CLSPN: variants seen among roughly 807,000 people sequenced by gnomAD.
CLSPN encodes claspin, also known as claspin homolog.
In CLSPN, 85 loss-of-function variants were observed where a neutral mutation model predicts 156.3. The ratio of observed to expected loss-of-function variants is 0.54; its 90% confidence interval spans 0.46 to 0.65. The LOEUF (loss-of-function observed/expected upper bound fraction) is 0.65. CLSPN is among the 30% of genes least tolerant of loss of function. The pLI is 0.00. For synonymous variants in CLSPN, 534 were observed against 542.4 expected (o/e 0.98, Z 0.22); for missense variants, 1,407 against 1,554.9 (o/e 0.90, Z 1.60).
Position 35,763,278 on chromosome 1 carries a change from A to G in CLSPN, c.626T>C (p.Leu209Pro). Residue 209 changes from leucine to proline, a missense_variant, in exon 4 of 25, where the codon CTT (leucine) becomes CCT (proline). Physicochemically the swap from Leu to Pro is moderately conservative, Grantham distance 98. Coordinates refer to ENST00000318121, the MANE Select transcript of CLSPN (RefSeq NM_022111.4). ...EQPFNDSGCLLVDKDLFETGL... is the reference protein window; with the variant it reads ...EQPFNDSGCLPVDKDLFETGL... Reference sequence around the variant, plus strand: ...AGTTTCAAAAAGGTCTTTATCCACAAGAAGACAGCCACTGTCATTAAATGG... The same window carrying G: ...AGTTTCAAAAAGGTCTTTATCCACAGGAAGACAGCCACTGTCATTAAATGG... The G allele has an allele frequency of 6.2e-7, 1 of 1,605,256 alleles. No homozygotes were observed. The highest frequency in any genetic ancestry group is 1.1e-5 in the South Asian group (1 of 89,412).
downstream of CLSPN, among the ~76,000 whole-genome samples, chr1:35,730,567 TAAAAAA>T (rs56320150): frequency 3.2e-5 from 2 of 62,032 alleles, no homozygotes; most frequent in African/African-American, 1.4e-4. Flanking sequence ...GAATCCATAT[TAAAAAA>T]AAAAAAAAAA....
chr1:35,738,694 C>T (rs1374550585), intron 20 of CLSPN, 112 bp from the exon 21 acceptor site: 1 of 1,070,240 alleles, frequency 9.3e-7, no homozygotes, highest in Non-Finnish European at 1.3e-6. Flanking sequence ...AAACTTTTCC[C>T]ATCCATTAAC....
chr1:35,737,186 T>C, intron 23 of CLSPN, 111 bp from the exon 24 acceptor site: 1 of 1,258,522 alleles, frequency 7.9e-7, no homozygotes. Flanking sequence ...GCCTACCCTA[T>C]TCAAATAGAA....
At chr1:35,727,185 T>C (rs946434460), downstream of CLSPN, among the ~76,000 whole-genome samples, 5 of 152,222 alleles carry the variant, frequency 3.3e-5, no homozygotes, top group African/African-American at 4.8e-5. Flanking sequence ...TTTAATGTGC[T>C]GGATGTTTAT....
chr1:35,730,997 C>G (rs941386333), downstream of CLSPN, among the ~76,000 whole-genome samples: 1 of 151,722 alleles, frequency 6.6e-6, no homozygotes, highest in African/African-American at 2.4e-5. Context: ...GTCAAGAGTT[C>G]GAGACCAGCC....
Position 35,733,897 on chromosome 1 carries a change from T to G in CLSPN, c.*2599A>C. The G allele has an allele frequency of 1.6e-5, 11 of 689,548 alleles. No individual in the cohort carries two copies. Among genetic ancestry groups the G allele is most frequent in the Non-Finnish European group, 2.0e-5 (11 of 559,870 alleles). The allele number at this position is 689,548 out of a possible 1,614,324, so 42.7% of individuals were successfully genotyped here. Reference sequence around the variant, plus strand: ...TCCAAAGGTTGAGGAAGGAGGATGCTGAAGCCCAGGAGTTCAAGGGTACAG... The same window carrying G: ...TCCAAAGGTTGAGGAAGGAGGATGCGGAAGCCCAGGAGTTCAAGGGTACAG... On this transcript the variant is annotated 3_prime_UTR_variant, in exon 25 of 25. Coordinates refer to ENST00000318121, the MANE Select transcript of CLSPN (RefSeq NM_022111.4).
chr1:35,759,504 G>A (rs1046043973), intron 8 of CLSPN, among the ~76,000 whole-genome samples: 3 of 151,458 alleles, frequency 2.0e-5, no homozygotes, highest in Admixed American at 6.6e-5. Context: ...TTCTTATCTC[G>A]CCCATTAGAG....
intron 8 of CLSPN, among the ~76,000 whole-genome samples, chr1:35,759,213 A>T (rs1484513288): frequency 5.9e-5 from 9 of 152,214 alleles, no homozygotes. Context: ...CTGAGGAAGC[A>T]CTAGGGATAG....
In CLSPN at chr1:35,747,000, C is replaced by G. The variant is rs141763864; in HGVS notation, c.2628-8G>C. 6 of 1,606,306 alleles carry G rather than the reference C, an allele frequency of 3.7e-6. No homozygotes were observed. The East Asian group carries it at 1.1e-4, about 30-fold the overall frequency. ...TTTCTAACATTTAAGAACCTAAGAA[C>G]CAATGAGCACAACGAATAGTGTAAA... On this transcript the variant is annotated splice_polypyrimidine_tract_variant and splice_region_variant and intron_variant, in intron 14 of 24. Transcript: ENST00000318121. The surrounding 1 kb of genome is among the most constrained non-coding windows in gnomAD (Gnocchi z 4.2).
rs761480243 is a variant in CLSPN, at chr1:35,747,949, C to G, written c.2585G>C (p.Cys862Ser). The G allele has an allele frequency of 6.2e-7, 1 of 1,614,170 alleles. No individual in the cohort carries two copies. Among genetic ancestry groups the G allele is most frequent in the South Asian group, 1.1e-5 (1 of 91,082 alleles). Reference sequence around the variant, plus strand: ...TTGGCTCTGAGTGTCATCTTCTAAACAGAACTGGAAGTCTCCTGCTCCTAG... The same window carrying G: ...TTGGCTCTGAGTGTCATCTTCTAAAGAGAACTGGAAGTCTCCTGCTCCTAG... ...LFLGAGDFQF[C>S]LEDDTQSQLL... is the part of the protein sequence containing the mutation. The change falls in exon 14 of 25, where the codon TGT (cysteine) becomes TCT (serine). Residue 862 changes from cysteine (C) to serine (S), a missense_variant. Around this residue, in one of 3 missense-constraint regions of CLSPN, gnomAD observed 1,096 missense variants for 1,193.0 expected, o/e 0.92. Coordinates refer to ENST00000318121, the MANE Select transcript of CLSPN (RefSeq NM_022111.4).
chr1:35,765,188 A>G, intron 2 of CLSPN, 30 bp downstream of exon 2: 8 of 1,393,614 alleles, frequency 5.7e-6, no homozygotes, highest in Non-Finnish European at 8.1e-6. Context: ...CCCGCAACCT[A>G]TTCCTAAAAA....
Position 35,738,070 on chromosome 1 carries a change from C to A in CLSPN, c.3586G>T (p.Glu1196Ter). 7.0e-7 allele frequency: 1 copy of A among 1,422,956 alleles called. No homozygotes were observed. Among genetic ancestry groups the A allele is most frequent in the Non-Finnish European group, 9.3e-7 (1 of 1,071,576 alleles). The allele number at this position is 1,422,956 out of a possible 1,614,324, so 88.1% of individuals were successfully genotyped here. The part of the protein sequence containing the change: ...MAQQGKITAE[E>*]EEEIGEDSQF... The stretch of plus-strand genomic sequence containing the variant: ...CTGTCCTCCCCAATTTCTTCTTCTT[C>A]TTCAGCTGTAATTTTCCCCTGCTGT... The change falls in exon 22 of 25, where the codon GAA (glutamate) becomes TAA (stop). Residue 1196 changes from glutamate (E) to a stop codon, truncating the protein, a stop_gained. Transcript: ENST00000318121. LOFTEE classifies it high-confidence loss of function.
intron 14 of CLSPN, among the ~76,000 whole-genome samples, chr1:35,747,441 A>G (rs1231192729): frequency 2.6e-5 from 4 of 152,242 alleles, no homozygotes; most frequent in South Asian, 2.1e-4. Context: ...AAAAGATTCA[A>G]ACTTTAGGCT....
chr1:35,739,307 T>A (rs1158495450), intron 19 of CLSPN, 50 bp from the exon 20 acceptor site: 1 of 1,614,050 alleles, frequency 6.2e-7, no homozygotes. Context: ...TCTGGCTGGT[T>A]ACAGGGCTTG....
In CLSPN at chr1:35,722,839, C is replaced by T. The variant is rs144719463; in HGVS notation, c.3910-1859G>A. Among the ~76,000 whole-genome samples the T allele has an allele frequency of 4.5e-4, 69 of 152,248 alleles. No homozygotes were observed. The East Asian group carries it at 0.012, about 26-fold the overall frequency. Reference sequence around the variant, plus strand: ...AGAGACAGGGTTTCACTATGTTGCCCAGGCTGGTCTCAAATTCCTGGCCTC... The same window carrying T: ...AGAGACAGGGTTTCACTATGTTGCCTAGGCTGGTCTCAAATTCCTGGCCTC... On this transcript the variant is annotated intron_variant, in intron 24 of 24. Transcript: ENST00000251195.
chr1:35,744,631 A>G (rs1265690339), intron 16 of CLSPN, among the ~76,000 whole-genome samples: 1 of 151,860 alleles, frequency 6.6e-6, no homozygotes, highest in Admixed American at 6.6e-5. Flanking sequence ...TCCTTTGCAT[A>G]TATACCGCAT....
At position 35,747,677 on chromosome 1, in the gene CLSPN, C is replaced by CA. The variant is rs749515971; in HGVS notation, c.2627+229dup. Among the ~76,000 whole-genome samples the CA allele has an allele frequency of 1.2e-4, 19 of 152,284 alleles. 1 individual carries two copies. The East Asian group carries it at 1.5e-3, about 12-fold the overall frequency. ...ATGACCTTACAATACAAGATCTATG[C>CA]ATTTCAAATAAGACAGAAATTGAAG... On this transcript the variant is annotated intron_variant, in intron 14 of 24. Transcript: ENST00000318121.
intron 8 of CLSPN, among the ~76,000 whole-genome samples, chr1:35,755,266 A>AT (rs1247342098): frequency 0.011 from 1,555 of 137,592 alleles, 20 homozygotes; most frequent in African/African-American, 0.031. Context: ...TATCCAGCTA[A>AT]TTTTTTTTTT....
chr1:35,759,198 G>A (rs1557519674), intron 8 of CLSPN, among the ~76,000 whole-genome samples: 3 of 152,106 alleles, frequency 2.0e-5, no homozygotes, highest in South Asian at 2.1e-4. Context: ...ACAATGTGTC[G>A]TCCACTGAGG....
Sources: allele counts gnomAD v4.1 joint callset (sites outside exome capture counted in the v4.1 genomes callset), GRCh38; gene constraint gnomAD v4.1.1; regional missense constraint gnomAD v4.1.1; non-coding constraint Gnocchi (gnomAD v3.1); transcripts MANE v1.5; gene names NCBI Gene and HGNC (gene_info 2026-07-23, HGNC 2026-07-21).